Variants in GALNT17 observed in about 807,000 individuals in gnomAD.
GALNT17 encodes the protein polypeptide N-acetylgalactosaminyltransferase 17.
A neutral mutation model predicts 63.7 loss-of-function variants in GALNT17; 29 were observed. That is an observed-to-expected ratio of 0.46 (90% CI 0.34 to 0.62). The LOEUF (loss-of-function observed/expected upper bound fraction) is 0.62. Ranked by LOEUF, GALNT17 falls within the 20% of genes least tolerant of loss-of-function variation. The probability of loss-of-function intolerance (pLI) is 0.01; values close to 1 mark genes in which losing one functional copy is unlikely to be tolerated. For missense variants in GALNT17, 603 were observed against 799.6 expected, an observed-to-expected ratio of 0.75 and a Z score of 2.97; for synonymous variants, 305 against 318.3, an observed-to-expected ratio of 0.96 and a Z score of 0.45.
intron 3 of GALNT17, among the ~76,000 whole-genome samples, chr7:71,400,416 G>A (rs560594594): frequency 1.9e-3 from 292 of 152,140 alleles, no homozygotes; most frequent in Non-Finnish European, 3.5e-3. Flanking sequence ...CACTTTGCAG[G>A]CATTTCTCTC....
At chr7:71,572,556 T>C (rs966311236) in intron 6 of GALNT17, among the ~76,000 whole-genome samples, 19 of 143,232 alleles carry the variant, frequency 1.3e-4, no homozygotes, top group African/African-American at 5.0e-4. Context: ...GTACAGGTGA[T>C]GTTTGGATAT....
Position 71,321,910 on chromosome 7 carries a change from C to CCTTT in GALNT17, c.239-13637_239-13636insTCTT, listed in dbSNP as rs1563001156. Reference sequence around the variant, plus strand: ...TCCTTCCTTCCTTCCTTCCTTCCTTCCTTCCTTCCTTCCCCTCCCTCCCTC... The same window carrying CCTTT: ...TCCTTCCTTCCTTCCTTCCTTCCTTCCTTTCTTCCTTCCTTCCCCTCCCTCCCTC... On this transcript the variant is annotated intron_variant, in intron 1 of 10. Transcript: ENST00000333538. Among the ~76,000 whole-genome samples, 360 of 94,924 alleles carry CCTTT rather than the reference C, an allele frequency of 3.8e-3. 6 individuals are homozygous for CCTTT. The highest frequency in any genetic ancestry group is 5.1e-3 in the Non-Finnish European group (224 of 44,344). The allele number at this position is 94,924 out of a possible 152,430, so 62.3% of individuals were successfully genotyped here.
intron 6 of GALNT17, among the ~76,000 whole-genome samples, chr7:71,643,024 A>T (rs1447909051): frequency 6.6e-6 from 1 of 152,154 alleles, no homozygotes; most frequent in Non-Finnish European, 1.5e-5. Context: ...AGCACATCGC[A>T]TGTTTTGGGA....
chr7:71,312,188 C>T (rs1791424275), intron 1 of GALNT17, among the ~76,000 whole-genome samples: 1 of 152,200 alleles, frequency 6.6e-6, no homozygotes, highest in African/African-American at 2.4e-5. Context: ...GGGCAAACTG[C>T]CTGGGGTTAG....
intron 1 of GALNT17, among the ~76,000 whole-genome samples, chr7:71,191,285 C>T (rs1336644327): frequency 6.6e-6 from 1 of 151,712 alleles, no homozygotes; most frequent in Non-Finnish European, 1.5e-5. Flanking sequence ...TGCTCTAGAA[C>T]TTTATGGAAA....
At chr7:71,565,838 C>A (rs541983865) in intron 5 of GALNT17, among the ~76,000 whole-genome samples, 1 of 142,302 alleles carries the variant, frequency 7.0e-6, no homozygotes, top group Admixed American at 7.4e-5. Context: ...TTTTTCTCTT[C>A]TCTTTTCTTT....
intron 6 of GALNT17, among the ~76,000 whole-genome samples, chr7:71,642,690 C>T (rs746682257): frequency 6.6e-6 from 1 of 152,072 alleles, no homozygotes. Context: ...ACAAAATTAG[C>T]TGGGTGTGGT....
intron 1 of GALNT17, among the ~76,000 whole-genome samples, chr7:71,197,254 C>T (rs1480695976): frequency 3.8e-5 from 5 of 130,518 alleles, no homozygotes; most frequent in Non-Finnish European, 7.7e-5. Context: ...AGCTGGAGTG[C>T]AGTGGCGCGA....
At chr7:71,136,695 G>A (rs1290465587) in intron 1 of GALNT17, among the ~76,000 whole-genome samples, 2 of 152,052 alleles carry the variant, frequency 1.3e-5, no homozygotes, top group Non-Finnish European at 2.9e-5. Context: ...ATGTTGGTCA[G>A]GCTGGTGTTG....
rs572934867 is a variant in GALNT17, at chr7:71,158,380, A to C, written c.238+25340A>C. Among the ~76,000 whole-genome samples, 69 of 150,790 alleles carry C rather than the reference A, an allele frequency of 4.6e-4. 1 individual carries two copies. Among genetic ancestry groups the C allele is most frequent in the African/African-American group, 1.7e-3 (68 of 40,702 alleles). Reference sequence around the variant, plus strand: ...AAGCCTTCATCTTTCTCCATCTGAGATGTTTCTTTTCTTTCTTTTTTTTTT... The same window carrying C: ...AAGCCTTCATCTTTCTCCATCTGAGCTGTTTCTTTTCTTTCTTTTTTTTTT... On this transcript the variant is annotated intron_variant, in intron 1 of 10. Coordinates refer to ENST00000333538, the MANE Select transcript of GALNT17 (RefSeq NM_022479.3).
chr7:71,585,401 C>G (rs536786282), intron 6 of GALNT17, among the ~76,000 whole-genome samples: 2 of 152,190 alleles, frequency 1.3e-5, no homozygotes, highest in Non-Finnish European at 2.9e-5. Context: ...GATTTTTAGA[C>G]TCTACACTCA....
At chr7:71,187,208 C>T (rs1788866055) in intron 1 of GALNT17, among the ~76,000 whole-genome samples, 2 of 152,050 alleles carry the variant, frequency 1.3e-5, no homozygotes, top group East Asian at 3.8e-4. Flanking sequence ...CAGCCTCGAA[C>T]TCCTGATCCT....
intron 1 of GALNT17, chr7:71,284,188 C>A: frequency 6.2e-6 from 1 of 160,120 alleles, no homozygotes; most frequent in South Asian, 1.9e-4. Flanking sequence ...CCCTGAAAGT[C>A]CGTGGCTTCA....
chr7:71,708,008 T>C (rs1299965626), intron 9 of GALNT17, among the ~76,000 whole-genome samples: 1 of 152,216 alleles, frequency 6.6e-6, no homozygotes, highest in East Asian at 1.9e-4. Context: ...ACCACAATCA[T>C]CCAGCATTTG....
intron 6 of GALNT17, among the ~76,000 whole-genome samples, chr7:71,621,591 A>ATG (rs1340755402): frequency 1.3e-5 from 2 of 151,790 alleles, no homozygotes; most frequent in African/African-American, 2.4e-5. Context: ...GGATGGATGG[A>ATG]CAGACAATGG....
At chr7:71,217,140 GTTTT>G (rs1358343614) in intron 1 of GALNT17, among the ~76,000 whole-genome samples, 2 of 95,206 alleles carry the variant, frequency 2.1e-5, no homozygotes, top group African/African-American at 8.6e-5. Flanking sequence ...ATTTTTTCGT[GTTTT>G]GTTTTTTTTT....
At chr7:71,678,596 G>T (rs2117069517) in intron 9 of GALNT17, among the ~76,000 whole-genome samples, 1 of 152,002 alleles carries the variant, frequency 6.6e-6, no homozygotes, top group African/African-American at 2.4e-5. Context: ...AGGAGATCGA[G>T]ACCATCCTGG....
intron 5 of GALNT17, among the ~76,000 whole-genome samples, chr7:71,447,006 G>T (rs906124617): frequency 6.6e-6 from 1 of 152,014 alleles, no homozygotes. Context: ...CACCTCTCCC[G>T]CAAATTCACA....
At chr7:71,155,898 T>C (rs1421568175) in intron 1 of GALNT17, among the ~76,000 whole-genome samples, 2 of 151,902 alleles carry the variant, frequency 1.3e-5, no homozygotes, top group Non-Finnish European at 2.9e-5. Context: ...GTGAGAACTT[T>C]TAAAAATTTC....
Sources: allele counts gnomAD v4.1 joint callset (sites outside exome capture counted in the v4.1 genomes callset), GRCh38; gene constraint gnomAD v4.1.1; transcripts MANE v1.5; gene names NCBI Gene and HGNC (gene_info 2026-07-23, HGNC 2026-07-21).